USH2A: variants seen among roughly 807,000 people sequenced by gnomAD.
USH2A encodes the protein Usher syndrome 2A (autosomal recessive, mild).
A neutral mutation model predicts 538.9 loss-of-function variants in USH2A; 443 were observed. The observed-to-expected ratio is 0.82, with a 90% confidence interval of 0.76 to 0.89. The LOEUF (loss-of-function observed/expected upper bound fraction) is 0.89, where lower values mean the gene tolerates loss of function less well. Among genes scored for constraint, USH2A ranks in the 40% least tolerant of loss-of-function variants. The pLI, the probability that USH2A is intolerant of heterozygous loss-of-function variation, is 0.00. For synonymous variants in USH2A, 2,413 were observed against 2,273.5 expected (o/e 1.06, Z -1.75); for missense variants, 6,633 against 6,324.8 (o/e 1.05, Z -1.65).
intron 21 of USH2A, among the ~76,000 whole-genome samples, chr1:216,116,653 T>G (rs2102590481): frequency 6.6e-6 from 1 of 152,288 alleles, no homozygotes; most frequent in Admixed American, 6.5e-5. Flanking sequence ...CTTGTTGCAC[T>G]TTTAAATAAT....
chr1:215,851,327 G>C (rs1359645794), intron 44 of USH2A, among the ~76,000 whole-genome samples: 1 of 151,962 alleles, frequency 6.6e-6, no homozygotes, highest in East Asian at 1.9e-4. Context: ...AAAGAAGAGA[G>C]AAGATCCAAA....
At chr1:215,968,693 AC>A (rs1372954868) in intron 36 of USH2A, among the ~76,000 whole-genome samples, 1 of 152,162 alleles carries the variant, frequency 6.6e-6, no homozygotes, top group Non-Finnish European at 1.5e-5. Context: ...TATTAGATGA[AC>A]AAAAAAATTG....
intron 41 of USH2A, among the ~76,000 whole-genome samples, chr1:215,887,123 C>T (rs1665077775): frequency 6.6e-6 from 1 of 152,226 alleles, no homozygotes; most frequent in Admixed American, 6.5e-5. Context: ...TCCCAAAGTA[C>T]TGGGATTACA....
At chr1:216,268,614 T>C (rs2036519275) in intron 11 of USH2A, among the ~76,000 whole-genome samples, 2 of 152,122 alleles carry the variant, frequency 1.3e-5, no homozygotes, top group South Asian at 4.1e-4. Flanking sequence ...AAAGGACCAA[T>C]TATTTGCAGC....
chr1:216,217,620 C>T (rs561038163), intron 14 of USH2A, 70 bp from the exon 15 acceptor site: 3 of 1,565,464 alleles, frequency 1.9e-6, no homozygotes, highest in African/African-American at 1.4e-5. Flanking sequence ...ATAAGTTACA[C>T]CTACCAATAG....
rs1486708834 is a variant in USH2A, at chr1:215,763,533, G to C, written c.11047+3148C>G. ...GGATGGCAGGACTGCACATACCTTG[G>C]CATGGCTGGTGCACTGCATGGCATG... On this transcript the variant is annotated intron_variant, in intron 56 of 71. Coordinates refer to ENST00000307340, the MANE Select transcript of USH2A (RefSeq NM_206933.4). 5.9e-5 allele frequency among the ~76,000 whole-genome samples: 9 copies of C among 152,144 alleles called. No homozygotes were observed. In the East Asian group the frequency reaches 1.7e-3, roughly 29 times the overall value.
chr1:215,804,879 C>A (rs988174425), intron 49 of USH2A, among the ~76,000 whole-genome samples: 4 of 152,082 alleles, frequency 2.6e-5, no homozygotes, highest in African/African-American at 9.7e-5. Flanking sequence ...GACTTGGAAC[C>A]AACCCAAATG....
intron 40 of USH2A, among the ~76,000 whole-genome samples, chr1:215,897,810 A>C (rs1307743756): frequency 6.6e-6 from 1 of 152,076 alleles, no homozygotes. Context: ...CAAAGAAAGA[A>C]GAAAGAAAGA....
chr1:215,629,430 T>C (rs2102625742), intron 70 of USH2A, among the ~76,000 whole-genome samples: 1 of 152,176 alleles, frequency 6.6e-6, no homozygotes, highest in East Asian at 1.9e-4. Context: ...GCACAGAGCC[T>C]CCCTCTTGAG....
intron 20 of USH2A, among the ~76,000 whole-genome samples, chr1:216,180,898 C>G (rs572123109): frequency 6.6e-6 from 1 of 152,076 alleles, no homozygotes; most frequent in Non-Finnish European, 1.5e-5. Flanking sequence ...TGGACCAGGA[C>G]GCAAACAAGA....
chr1:216,017,645 AG>A (rs1276303660), intron 32 of USH2A, among the ~76,000 whole-genome samples: 1 of 152,218 alleles, frequency 6.6e-6, no homozygotes, highest in Non-Finnish European at 1.5e-5. Context: ...TACCTGTGGC[AG>A]GAAAAGAGTA....
chr1:216,262,311 A>T (rs2036389965), intron 11 of USH2A, among the ~76,000 whole-genome samples: 1 of 152,142 alleles, frequency 6.6e-6, no homozygotes, highest in Non-Finnish European at 1.5e-5. Context: ...CAGATATGCA[A>T]CTGAAAAAAA....
chr1:216,300,184 C>T (rs1314939650), intron 9 of USH2A, among the ~76,000 whole-genome samples: 1 of 152,118 alleles, frequency 6.6e-6, no homozygotes, highest in Admixed American at 6.5e-5. Context: ...TTTTCAACTG[C>T]CTTTTCTACC....
chr1:216,084,690 AG>A lies in USH2A; in HGVS notation c.5167+7del. 6.2e-7 allele frequency: 1 copy of A among 1,612,442 alleles called. No individual in the cohort carries two copies. Among genetic ancestry groups the A allele is most frequent in the Non-Finnish European group, 8.5e-7 (1 of 1,179,442 alleles). On this transcript the variant is annotated splice_region_variant and intron_variant, in intron 25 of 71. Transcript: ENST00000307340. ...AAGTGAACACTCATGTCTTTTTTAG[AG>A]CATTACCTGCTCCTAGGAACTGAGC...
rs145901500 is a variant in USH2A at position 215,941,634 on chromosome 1, A to G, written c.7121-6839T>C. Among the ~76,000 whole-genome samples, 1,039 of 152,252 alleles carry G rather than the reference A, an allele frequency of 6.8e-3. 16 individuals are homozygous for G. The highest frequency in any genetic ancestry group is 0.023 in the African/African-American group (961 of 41,562). ...ACGTGTTTCCTTTTAAAGTTCTGGTAGAGCCTTACTAACCATGCTGAACCT... is the reference window on the plus strand; with the variant it reads ...ACGTGTTTCCTTTTAAAGTTCTGGTGGAGCCTTACTAACCATGCTGAACCT... On this transcript the variant is annotated intron_variant, in intron 37 of 71. Transcript: ENST00000307340.
intron 21 of USH2A, among the ~76,000 whole-genome samples, chr1:216,103,184 C>A (rs2032635114): frequency 6.6e-6 from 1 of 152,230 alleles, no homozygotes. Context: ...AGAAAGGGCA[C>A]AAGGCAGGCC....
At chr1:216,009,774 A>G (rs78152203) in intron 32 of USH2A, among the ~76,000 whole-genome samples, 4,408 of 151,586 alleles carry the variant, frequency 0.029, 179 homozygotes, top group African/African-American at 0.092. Context: ...CCCTCCTTAC[A>G]CCCAGTCCGG....
At chr1:215,653,736 G>T (rs576658551) in intron 64 of USH2A, among the ~76,000 whole-genome samples, 1 of 152,240 alleles carries the variant, frequency 6.6e-6, no homozygotes, top group South Asian at 2.1e-4. Context: ...GTGGATTTTT[G>T]TCTATGCCCG....
At chr1:215,727,260 T>A (rs945752979) in intron 61 of USH2A, among the ~76,000 whole-genome samples, 1 of 152,032 alleles carries the variant, frequency 6.6e-6, no homozygotes, top group Non-Finnish European at 1.5e-5. Flanking sequence ...TGTATACACA[T>A]ACATATATAC....
Sources: gnomAD v4.1 joint callset for allele counts (sites outside exome capture counted in the v4.1 genomes callset) on GRCh38, gnomAD v4.1.1 for gene constraint, MANE v1.5 for transcripts, NCBI Gene and HGNC (gene_info 2026-07-23, HGNC 2026-07-21) for gene names.